The following PCDHA4 variants were observed in gnomAD, a reference collection of about 807,000 sequenced individuals.
The protein encoded by PCDHA4 is protocadherin alpha 4.
A neutral mutation model predicts 61.4 loss-of-function variants in PCDHA4; 49 were observed. The ratio of observed to expected loss-of-function variants is 0.80; its 90% CI spans 0.63 to 1.01. The LOEUF is 1.01. PCDHA4 is among the 50% of genes least tolerant of loss of function. The pLI, the probability that PCDHA4 is intolerant of heterozygous loss-of-function variation, is 0.00. For synonymous variants in PCDHA4, 590 were observed against 550.3 expected (o/e 1.07, Z -1.01); for missense variants, 1,254 against 1,235.8 (o/e 1.01, Z -0.22).
chr5:140,835,058 C>G, intron 1 of PCDHA4: 1 of 1,218,396 alleles, frequency 8.2e-7, no homozygotes, highest in Non-Finnish European at 1.1e-6. Flanking sequence ...TGACTGGCAC[C>G]GTTCAATTAC....
At chr5:140,834,123 C>T in intron 1 of PCDHA4, 1 of 438,322 alleles carries the variant, frequency 2.3e-6, no homozygotes, top group Non-Finnish European at 4.0e-6. Flanking sequence ...TGAAATAAAA[C>T]TTTTCATCTG....
intron 1 of PCDHA4, among the ~76,000 whole-genome samples, chr5:140,887,705 T>G (rs1016402630): frequency 6.6e-6 from 1 of 152,172 alleles, no homozygotes; most frequent in Non-Finnish European, 1.5e-5. Context: ...TCAACCATAC[T>G]TCTTCTAATA....
chr5:140,849,320 G>C, intron 1 of PCDHA4: 10 of 1,335,992 alleles, frequency 7.5e-6, no homozygotes, highest in Non-Finnish European at 1.0e-5. Flanking sequence ...GCTTGAATGG[G>C]GATATTATTT....
intron 1 of PCDHA4, chr5:140,811,071 T>C (rs571435620): frequency 6.6e-6 from 1 of 152,242 alleles, no homozygotes; most frequent in Non-Finnish European, 1.5e-5. Context: ...GTTTGTTACA[T>C]AGGTATACAT....
intron 1 of PCDHA4, chr5:140,928,375 T>C: frequency 6.2e-7 from 1 of 1,614,184 alleles, no homozygotes. Context: ...GCCATCAGCC[T>C]CTAGCTTGCT....
intron 1 of PCDHA4, among the ~76,000 whole-genome samples, chr5:140,976,855 G>A (rs946538789): frequency 9.9e-5 from 15 of 152,142 alleles, no homozygotes; most frequent in Non-Finnish European, 1.5e-4. Flanking sequence ...CTTTCATAGA[G>A]TTTACTGTCT....
intron 1 of PCDHA4, chr5:140,836,307 G>T: frequency 6.2e-7 from 1 of 1,613,740 alleles, no homozygotes; most frequent in Non-Finnish European, 8.5e-7. Context: ...TGAGACGGAC[G>T]CACCGCGCCA....
intron 1 of PCDHA4, chr5:140,829,760 G>T (rs1554132217): frequency 6.2e-7 from 1 of 1,613,780 alleles, no homozygotes. Context: ...GTTCGTGCTG[G>T]ACGAGAACGA....
chr5:140,972,660 A>ATTTT (rs11350929), intron 1 of PCDHA4, among the ~76,000 whole-genome samples: 3 of 117,268 alleles, frequency 2.6e-5, no homozygotes, highest in Admixed American at 9.2e-5. Context: ...AAGAAACCAA[A>ATTTT]TTTTTTTTTT....
intron 1 of PCDHA4, among the ~76,000 whole-genome samples, chr5:140,900,339 G>A (rs1019458960): frequency 7.2e-5 from 11 of 151,812 alleles, no homozygotes; most frequent in East Asian, 2.0e-4. Context: ...GTACCGTGGC[G>A]CAATCTTGGC....
chr5:140,993,293 A>T (rs1445204823), intron 3 of PCDHA4, among the ~76,000 whole-genome samples: 1 of 152,062 alleles, frequency 6.6e-6, no homozygotes, highest in Non-Finnish European at 1.5e-5. Context: ...CAGGGTCACA[A>T]CCTTGCCTCC....
In PCDHA4 at chr5:140,808,811, G is replaced by T; in HGVS notation, c.1624G>T (p.Val542Leu). Residue 542 changes from valine (V) to leucine (L), a missense_variant, in exon 1 of 4, where the codon GTG (valine) becomes TTG (leucine). Coordinates refer to ENST00000530339, the MANE Select transcript of PCDHA4 (RefSeq NM_018907.4). ...TCAGGTGACCGCTCGCGATGCCGGC[G>T]TGCCACCTCTGGGCAGCAACGTGAC... is the stretch of plus-strand genomic sequence containing the variant. ...QFQVTARDAG[V>L]PPLGSNVTLQ... The T allele has an allele frequency of 6.2e-7, 1 of 1,612,772 alleles. No individual in the cohort carries two copies. Among genetic ancestry groups the T allele is most frequent in the African/African-American group, 1.3e-5 (1 of 75,042 alleles).
chr5:140,852,883 G>T, intron 1 of PCDHA4: 1 of 933,168 alleles, frequency 1.1e-6, no homozygotes, highest in Non-Finnish European at 1.3e-6. Flanking sequence ...ATCATAAAAC[G>T]TATTTTTTTT....
At chr5:140,971,695 A>G (rs563817946) in intron 1 of PCDHA4, among the ~76,000 whole-genome samples, 26 of 152,062 alleles carry the variant, frequency 1.7e-4, no homozygotes, top group Admixed American at 5.2e-4. Flanking sequence ...GTACTCACTA[A>G]CCACCCTGCT....
chr5:140,848,711 G>A (rs2150418509), intron 1 of PCDHA4: 14 of 1,592,432 alleles, frequency 8.8e-6, no homozygotes, highest in Non-Finnish European at 1.2e-5. Flanking sequence ...AAGGCCGCGG[G>A]GACCTTCTGG....
At chr5:140,876,262 C>T (rs1554168436) in intron 1 of PCDHA4, 2 of 1,614,012 alleles carry the variant, frequency 1.2e-6, no homozygotes, top group South Asian at 2.2e-5. Context: ...AGTGATCCAA[C>T]TAAATGCTTC....
intron 1 of PCDHA4, among the ~76,000 whole-genome samples, chr5:140,944,993 G>A (rs529303280): frequency 6.6e-5 from 10 of 152,054 alleles, no homozygotes; most frequent in African/African-American, 2.2e-4. Context: ...CTTCTGTAAC[G>A]GTTGTGGGTC....
At chr5:140,879,136 T>C (rs1225791251) in intron 1 of PCDHA4, among the ~76,000 whole-genome samples, 4 of 152,206 alleles carry the variant, frequency 2.6e-5, no homozygotes, top group Admixed American at 2.6e-4. Flanking sequence ...GGGGAGATTG[T>C]GAAGGCAGGA....
intron 1 of PCDHA4, among the ~76,000 whole-genome samples, chr5:140,960,338 G>A (rs2095541394): frequency 6.6e-6 from 1 of 152,172 alleles, no homozygotes; most frequent in Admixed American, 6.5e-5. Context: ...AGTACATGAG[G>A]TGAGATATGT....
Sources: gnomAD v4.1 joint callset for allele counts (sites outside exome capture counted in the v4.1 genomes callset) on GRCh38, gnomAD v4.1.1 for gene constraint, MANE v1.5 for transcripts, NCBI Gene and HGNC (gene_info 2026-07-23, HGNC 2026-07-21) for gene names.